Variants in MAPKBP1 observed in about 807,000 individuals in gnomAD.
The protein encoded by MAPKBP1 is mitogen-activated protein kinase-binding protein 1.
Under a neutral mutation model 170.5 loss-of-function variants are expected in MAPKBP1, and 71 were observed. The ratio of observed to expected loss-of-function variants is 0.42; its 90% confidence interval spans 0.34 to 0.51. The LOEUF (loss-of-function observed/expected upper bound fraction) is 0.51. Among genes scored for constraint, MAPKBP1 ranks in the 20% least tolerant of loss-of-function variants. The probability of loss-of-function intolerance (pLI) is 0.06; values close to 1 mark genes in which losing one functional copy is unlikely to be tolerated. For missense variants in MAPKBP1, 1,598 were observed against 1,933.0 expected (o/e 0.83, Z 3.25); for synonymous variants, 719 against 757.9 (o/e 0.95, Z 0.84).
At position 41,819,005 on chromosome 15, in the gene MAPKBP1, G is replaced by T. The variant is rs748879024; in HGVS notation, c.2291+48G>T. 3.7e-6 allele frequency: 6 copies of T among 1,604,366 alleles called. No individual in the cohort carries two copies. The East Asian group carries it at 9.0e-5, about 24-fold the overall frequency. ...TGATGGGTGGGTGTGCAGATGGCTT[G>T]CTGGGACCTCACTGCACTTCCTCCA... On this transcript the variant is annotated intron_variant, in intron 20 of 30. Transcript: ENST00000457542.
At chr15:41,815,449 C>T (rs1428673103) in intron 11 of MAPKBP1, 44 bp downstream of exon 11, 4 of 1,607,510 alleles carry the variant, frequency 2.5e-6, no homozygotes, top group Non-Finnish European at 3.4e-6. Flanking sequence ...CTCAGTGCCC[C>T]CATCCCCACA....
At chr15:41,804,586 G>A (rs555792554) in intron 3 of MAPKBP1, among the ~76,000 whole-genome samples, 2 of 152,360 alleles carry the variant, frequency 1.3e-5, no homozygotes, top group East Asian at 3.9e-4. Flanking sequence ...AGAGTGTGGA[G>A]TCCTGCCCGC....
intron 3 of MAPKBP1, among the ~76,000 whole-genome samples, chr15:41,800,950 G>C (rs1342024817): frequency 1.3e-5 from 2 of 151,716 alleles, no homozygotes; most frequent in East Asian, 3.9e-4. Context: ...GCCTAGGCTA[G>C]TTTCGAACTC....
At chr15:41,816,710 C>G in intron 13 of MAPKBP1, 60 bp downstream of exon 13, 1 of 1,521,696 alleles carries the variant, frequency 6.6e-7, no homozygotes, top group East Asian at 2.3e-5. Context: ...CCACTTATAT[C>G]TGTCCCGGCT....
In MAPKBP1 at chr15:41,817,825, T is replaced by C; in HGVS notation, c.1904+90T>C. 1 of 1,586,126 alleles carries C rather than the reference T, an allele frequency of 6.3e-7. No individual in the cohort carries two copies. The highest frequency in any genetic ancestry group is 8.6e-7 in the Non-Finnish European group (1 of 1,162,974). ...AGCTAAGTTCCCACATCTGTCGTTC[T>C]GTACAGGACTTTGTACCCCCTTGAG... On this transcript the variant is annotated intron_variant, in intron 16 of 30. Transcript: ENST00000457542. This position sits in a 1 kb window ranked among gnomAD's most constrained non-coding sequence, Gnocchi z 4.2.
In MAPKBP1 at chr15:41,827,408, C is replaced by T. The variant is rs4923915; in HGVS notation, c.*1972C>T. 41,721 of 152,146 alleles carry T rather than the reference C, an allele frequency of 0.27. 6,701 individuals carry two copies. Among genetic ancestry groups the T allele is most frequent in the Admixed American group, 0.36 (5,539 of 15,262 alleles). The allele number at this position is 152,146 out of a possible 1,614,324, so 9.4% of individuals were successfully genotyped here. A position where few individuals can be genotyped will look rare whatever the true frequency, so the allele number is the denominator to read the frequency against. On this transcript the variant is annotated 3_prime_UTR_variant, in exon 31 of 31. Coordinates refer to ENST00000457542, the MANE Select transcript of MAPKBP1 (RefSeq NM_014994.3). ...CCCTTCCCCACTCCTCTAGCATCGC[C>T]ACCCGCATGGCCCTGGAACTCCCGC...
intron 5 of MAPKBP1, chr15:41,811,581 CG>C (rs2064806711): frequency 9.8e-6 from 6 of 614,554 alleles, no homozygotes; most frequent in Admixed American, 2.1e-5. Flanking sequence ...TCCTTACCCC[CG>C]GGGGCCCCCT....
At chr15:41,824,371 AAGTGGGGGGTGCAATGCTGAGGGCT>A in intron 29 of MAPKBP1, 88 bp from the exon 30 acceptor site, 1 of 988,360 alleles carries the variant, frequency 1.0e-6, no homozygotes, top group Non-Finnish European at 1.5e-6. Context: ...GACTGAGGGC[AAGTGGGGGGTGCAATGCTGAGGGCT>A]AGGTCTCTCC....
At chr15:41,809,881 C>T (rs559990244) in intron 3 of MAPKBP1, among the ~76,000 whole-genome samples, 14 of 152,312 alleles carry the variant, frequency 9.2e-5, no homozygotes, top group South Asian at 2.1e-4. Context: ...TTCTGGCAGT[C>T]GGGGGGTTCT....
chr15:41,825,221 A>C lies in MAPKBP1; in HGVS notation c.4312A>C (p.Lys1438Gln), dbSNP rs150009369. The change falls in exon 31 of 31, where the codon AAG becomes CAG. Residue 1438 changes from lysine (K) to glutamine (Q), a missense_variant. Transcript: ENST00000457542. ...VRLYHSVAGC[K>Q]MPSAEQSRIA... is the part of the protein sequence containing the mutation. ...GGTGCTATTTCAGGTGGCTGGCTGC[A>C]AGATGCCCTCAGCAGAGCAAAGTCG... The C allele has an allele frequency of 4.0e-4, 637 of 1,582,636 alleles. 5 individuals carry two copies. In the African/African-American group the frequency reaches 8.0e-3, roughly 20 times the overall value.
At chr15:41,793,024 G>T (rs746447344) in intron 2 of MAPKBP1, among the ~76,000 whole-genome samples, 1 of 151,854 alleles carries the variant, frequency 6.6e-6, no homozygotes, top group Admixed American at 6.6e-5. Context: ...GGTTTTCTTC[G>T]CATACTTCCA....
At chr15:41,816,881 A>G (rs749509257) in intron 13 of MAPKBP1, 29 bp from the exon 14 acceptor site, 2 of 1,583,892 alleles carry the variant, frequency 1.3e-6, no homozygotes, top group South Asian at 1.2e-5. Flanking sequence ...CAGGGCACTC[A>G]TGGGCTGATG....
chr15:41,779,368 G>A (rs1276379332), intron 2 of MAPKBP1, among the ~76,000 whole-genome samples: 2 of 152,184 alleles, frequency 1.3e-5, no homozygotes, highest in Admixed American at 6.5e-5. Context: ...GTGCCACCAC[G>A]CCGGGCTAAT....
chr15:41,821,136 G>A, intron 23 of MAPKBP1, 68 bp downstream of exon 23: 4 of 1,446,284 alleles, frequency 2.8e-6, no homozygotes, highest in Non-Finnish European at 3.9e-6. Flanking sequence ...GCCACCAGCT[G>A]GGACCTGAGC....
chr15:41,818,907 C>G lies in MAPKBP1; in HGVS notation c.2241C>G (p.Gly747=), dbSNP rs746839196. 1 of 1,614,230 alleles carries G rather than the reference C, an allele frequency of 6.2e-7. No individual in the cohort carries two copies. The highest frequency in any genetic ancestry group is 8.5e-7 in the Non-Finnish European group (1 of 1,180,050). The change falls in exon 20 of 31, where the codon GGC becomes GGG. Residue 747 remains glycine, a synonymous_variant. Coordinates refer to ENST00000457542, the MANE Select transcript of MAPKBP1 (RefSeq NM_014994.3). The surrounding 1 kb of genome is among the most constrained non-coding windows in gnomAD (Gnocchi z 5.2). ...CCGAGTTGCGCCAGCGTCAGCGGGGCGGCAAGCAGCAAGGACCATCCTCTC... is the reference window on the plus strand; with the variant it reads ...CCGAGTTGCGCCAGCGTCAGCGGGGGGGCAAGCAGCAAGGACCATCCTCTC... ...RLAELRQRQR[G]GKQQGPSSPQ... is the part of the protein sequence containing the mutation.
chr15:41,816,433 C>T, intron 12 of MAPKBP1, 126 bp from the exon 13 acceptor site: 1 of 632,022 alleles, frequency 1.6e-6, no homozygotes, highest in Non-Finnish European at 2.8e-6. Flanking sequence ...GTTCTTTCAG[C>T]AACTTTTCTC....
rs779830616 is a variant in MAPKBP1, at chr15:41,822,956, C to T, written c.3332C>T (p.Ser1111Phe). Residue 1111 changes from serine (S) to phenylalanine (F), a missense_variant, in exon 28 of 31, where the codon TCC becomes TTC. Ser to Phe is a radical substitution (Grantham distance 155). Coordinates refer to ENST00000457542, the MANE Select transcript of MAPKBP1 (RefSeq NM_014994.3). ...TRPLREPSPS[S>F]SSLALMSRPA... ...CCCTGTAGGGAACCATCCCCATCCT[C>T]CTCAAGCCTGGCACTGATGTCGAGA... The T allele has an allele frequency of 1.2e-6, 2 of 1,611,370 alleles. No homozygotes were observed. Among genetic ancestry groups the T allele is most frequent in the Non-Finnish European group, 1.7e-6 (2 of 1,178,042 alleles).
intron 2 of MAPKBP1, among the ~76,000 whole-genome samples, chr15:41,786,365 C>T (rs2152069331): frequency 6.6e-6 from 1 of 152,186 alleles, no homozygotes; most frequent in Non-Finnish European, 1.5e-5. Flanking sequence ...ATGGAAGTCT[C>T]TCCAATTTAA....
intron 2 of MAPKBP1, among the ~76,000 whole-genome samples, chr15:41,779,616 A>AT (rs1213962964): frequency 1.3e-5 from 2 of 152,182 alleles, no homozygotes; most frequent in Non-Finnish European, 2.9e-5. Flanking sequence ...AAGTGCTGGG[A>AT]TTACAGGCAT....
Sources: allele counts gnomAD v4.1 joint callset (sites outside exome capture counted in the v4.1 genomes callset), GRCh38; gene constraint gnomAD v4.1.1; non-coding constraint Gnocchi (gnomAD v3.1); transcripts MANE v1.5; gene names NCBI Gene and HGNC (gene_info 2026-07-23, HGNC 2026-07-21).